MORC2: variants seen among roughly 807,000 people sequenced by gnomAD.
MORC2 encodes the protein MORC family CW-type zinc finger 2.
MORC2 carries 30 observed loss-of-function variants against 136.0 expected under a neutral mutation model. The ratio of observed to expected loss-of-function variants is 0.22; its 90% CI spans 0.17 to 0.30. MORC2 has a LOEUF of 0.30. Ranked by LOEUF, MORC2 falls within the 10% of genes least tolerant of loss-of-function variation. The pLI is 1.00. For synonymous variants in MORC2, 439 were observed against 487.0 expected (o/e 0.90, Z 1.30); for missense variants, 922 against 1,333.1 (o/e 0.69, Z 4.80).
At chr22:30,961,804 A>G (rs1457561792) in intron 1 of MORC2, among the ~76,000 whole-genome samples, 1 of 152,228 alleles carries the variant, frequency 6.6e-6, no homozygotes, top group Non-Finnish European at 1.5e-5. Flanking sequence ...ACTGCTTCTT[A>G]GCAATACATA....
Position 30,967,803 on chromosome 22 carries a change from G to A in MORC2, c.68+19C>T, listed in dbSNP as rs1272140890. On this transcript the variant is annotated intron_variant, in intron 1 of 25. Transcript: ENST00000397641. The stretch of plus-strand genomic sequence containing the variant: ...GAACGAGTTACTGGTTACCTCAGTG[G>A]CACCTAGAGGATACTTACGAATTTG... 5.8e-6 allele frequency: 9 copies of A among 1,550,556 alleles called. No homozygotes were observed. Among genetic ancestry groups the A allele is most frequent in the Non-Finnish European group, 7.8e-6 (9 of 1,146,630 alleles).
At position 30,934,874 on chromosome 22, in the gene MORC2, C is replaced by G; in HGVS notation, c.2100G>C (p.Leu700=). 1 of 1,614,098 alleles carries G rather than the reference C, an allele frequency of 6.2e-7. No homozygotes were observed. The highest frequency in any genetic ancestry group is 2.2e-5 in the East Asian group (1 of 44,864). Reference sequence around the variant, plus strand: ...CCTCCCGAGGGCTCTTGGAGTTGGGCAGTAAAGATGGTGACAGTTGCTGCA... The same window carrying G: ...CCTCCCGAGGGCTCTTGGAGTTGGGGAGTAAAGATGGTGACAGTTGCTGCA... The part of the protein sequence containing the change: ...PLVQQLSPSL[L]PNSKSPREVP... The change falls in exon 19 of 26, where the codon CTG becomes CTC. Residue 700 remains leucine, a synonymous_variant. Coordinates refer to ENST00000397641, the MANE Select transcript of MORC2 (RefSeq NM_001303256.3). The surrounding 1 kb of genome is among the most constrained non-coding windows in gnomAD (Gnocchi z 4.4).
chr22:30,929,257 A>G (rs1427709900), intron 24 of MORC2, among the ~76,000 whole-genome samples: 1 of 152,260 alleles, frequency 6.6e-6, no homozygotes, highest in Non-Finnish European at 1.5e-5. Context: ...ATGGTTTGTA[A>G]TAATTTTTTC....
intron 4 of MORC2, among the ~76,000 whole-genome samples, chr22:30,950,163 C>G (rs537770939): frequency 2.0e-5 from 3 of 152,254 alleles, no homozygotes; most frequent in African/African-American, 4.8e-5. Flanking sequence ...CTTAAGATTG[C>G]CTTTCAGATC....
chr22:30,954,778 C>T (rs1014488085), intron 3 of MORC2, among the ~76,000 whole-genome samples: 3 of 152,168 alleles, frequency 2.0e-5, no homozygotes, highest in African/African-American at 4.8e-5. Context: ...TTGACCATTA[C>T]GATTTGTACC....
chr22:30,943,487 A>T (rs1010302342), intron 6 of MORC2, among the ~76,000 whole-genome samples: 1 of 152,186 alleles, frequency 6.6e-6, no homozygotes, highest in Admixed American at 6.5e-5. Flanking sequence ...GTGATGTTTT[A>T]AAAAAATCCT....
At chr22:30,945,706 T>C (rs1299797100) in intron 6 of MORC2, among the ~76,000 whole-genome samples, 1 of 152,204 alleles carries the variant, frequency 6.6e-6, no homozygotes, top group African/African-American at 2.4e-5. Context: ...TAAAATGATT[T>C]AAACTCAGAA....
intron 2 of MORC2, among the ~76,000 whole-genome samples, chr22:30,958,034 C>A (rs2040991941): frequency 6.6e-6 from 1 of 152,182 alleles, no homozygotes; most frequent in African/African-American, 2.4e-5. Context: ...TAAACAGAAT[C>A]TTGATATGGA....
intron 6 of MORC2, among the ~76,000 whole-genome samples, chr22:30,942,488 G>C (rs1364804691): frequency 6.6e-6 from 1 of 152,174 alleles, no homozygotes; most frequent in East Asian, 1.9e-4. Flanking sequence ...GGAGATGTTG[G>C]TTTATGTGCT....
In MORC2 at chr22:30,932,349, C is replaced by A; in HGVS notation, c.2841+10G>T. ...GAAGAGTGTGGAATCGAAGGTCAGG[C>A]CAGACTCACCAGAGGAAAAGATATT... On this transcript the variant is annotated intron_variant, in intron 24 of 25. Transcript: ENST00000397641. The surrounding 1 kb of genome is among the most constrained non-coding windows in gnomAD (Gnocchi z 4.4). 6.2e-7 allele frequency: 1 copy of A among 1,605,874 alleles called. No homozygotes were observed. Among genetic ancestry groups the A allele is most frequent in the Non-Finnish European group, 8.5e-7 (1 of 1,173,438 alleles).
At chr22:30,944,714 T>G (rs1225586674) in intron 6 of MORC2, among the ~76,000 whole-genome samples, 1 of 152,312 alleles carries the variant, frequency 6.6e-6, no homozygotes, top group Non-Finnish European at 1.5e-5. Flanking sequence ...GCAGAACCTA[T>G]GAGTCATCCA....
intron 1 of MORC2, among the ~76,000 whole-genome samples, chr22:30,960,686 T>C (rs1194760208): frequency 1.3e-5 from 2 of 151,370 alleles, no homozygotes; most frequent in African/African-American, 4.9e-5. Flanking sequence ...AGACGGGGTT[T>C]CTCCATGTTG....
chr22:30,928,975 G>A lies in MORC2; in HGVS notation c.2842-768C>T, dbSNP rs78870472. On this transcript the variant is annotated intron_variant, in intron 24 of 25. Transcript: ENST00000397641. ...TGAACACACACGCCACAACCAGCAGGTGCTAGCTGGCTGCTGCAGTCTTAT... is the reference window on the plus strand; with the variant it reads ...TGAACACACACGCCACAACCAGCAGATGCTAGCTGGCTGCTGCAGTCTTAT... Among the ~76,000 whole-genome samples the A allele has an allele frequency of 4.2e-3, 642 of 152,316 alleles. 6 individuals carry two copies. The highest frequency in any genetic ancestry group is 0.015 in the African/African-American group (613 of 41,562).
At chr22:30,955,747 G>C (rs998319910) in intron 3 of MORC2, among the ~76,000 whole-genome samples, 1 of 151,942 alleles carries the variant, frequency 6.6e-6, no homozygotes, top group Non-Finnish European at 1.5e-5. Context: ...GGTGGCTCAC[G>C]CCTGTAATCC....
rs914713569 is a variant in MORC2 at position 30,956,223 on chromosome 22, T to C, written c.157+540A>G. On this transcript the variant is annotated intron_variant, in intron 3 of 25. Coordinates refer to ENST00000397641, the MANE Select transcript of MORC2 (RefSeq NM_001303256.3). ...GCAGAGCCAAATAAGCAAAACGAAATAGGATGTTGACAGGTGTAAATTCCA... is the reference window on the plus strand; with the variant it reads ...GCAGAGCCAAATAAGCAAAACGAAACAGGATGTTGACAGGTGTAAATTCCA... Among the ~76,000 whole-genome samples, 22 of 152,146 alleles carry C rather than the reference T, an allele frequency of 1.4e-4. 2 individuals are homozygous for C. Among genetic ancestry groups the C allele is most frequent in the Admixed American group, 1.4e-3 (21 of 15,264 alleles).
At chr22:30,929,257 A>C (rs1427709900) in intron 24 of MORC2, among the ~76,000 whole-genome samples, 1 of 152,260 alleles carries the variant, frequency 6.6e-6, no homozygotes, top group Non-Finnish European at 1.5e-5. Context: ...ATGGTTTGTA[A>C]TAATTTTTTC....
At chr22:30,928,235 T>C (rs771248804) in intron 24 of MORC2, 28 bp from the exon 25 acceptor site, 6 of 1,612,846 alleles carry the variant, frequency 3.7e-6, no homozygotes, top group Non-Finnish European at 5.1e-6. Flanking sequence ...AGAGGGAGAG[T>C]GTGTAAGTTC....
At chr22:30,946,217 TA>T in intron 6 of MORC2, 123 bp downstream of exon 6, 1 of 658,002 alleles carries the variant, frequency 1.5e-6, no homozygotes, top group Non-Finnish European at 2.5e-6. Context: ...GCATAACAAT[TA>T]GGGGGAATGT....
In MORC2 at chr22:30,942,140, G is replaced by T; in HGVS notation, c.558C>A (p.Thr186=). 1.9e-6 allele frequency: 3 copies of T among 1,613,918 alleles called. No homozygotes were observed. The highest frequency in any genetic ancestry group is 2.5e-6 in the Non-Finnish European group (3 of 1,179,878). ...SPFRTEEEVM[T]QFMKIPGDSG... is the part of the protein sequence containing the mutation. ...TGTCCCCAGGAATCTTCATAAACTG[G>T]GTCATCACTTCCTCCTCAGTGCGGA... The change falls in exon 7 of 26, where the codon ACC becomes ACA. Residue 186 remains threonine (T), a synonymous_variant. Coordinates refer to ENST00000397641, the MANE Select transcript of MORC2 (RefSeq NM_001303256.3).
Sources: gnomAD v4.1 joint callset for allele counts (sites outside exome capture counted in the v4.1 genomes callset) on GRCh38, gnomAD v4.1.1 for gene constraint, Gnocchi (gnomAD v3.1) non-coding constraint, MANE v1.5 for transcripts, NCBI Gene and HGNC (gene_info 2026-07-23, HGNC 2026-07-21) for gene names.